NLN: variants seen among roughly 807,000 people sequenced by gnomAD.
NLN encodes the protein neurolysin, mitochondrial.
Under a neutral mutation model 79.9 loss-of-function variants are expected in NLN, and 64 were observed. The observed-to-expected ratio is 0.80, with a 90% CI of 0.65 to 0.99. The LOEUF is 0.99. Among genes scored for constraint, NLN ranks in the 50% least tolerant of loss-of-function variants. The pLI, the probability that NLN is intolerant of heterozygous loss-of-function variation, is 0.00. For missense variants in NLN, 835 were observed against 858.7 expected (o/e 0.97, Z 0.34); for synonymous variants, 267 against 296.6 (o/e 0.90, Z 1.02).
chr5:65,823,055 T>C lies in NLN; in HGVS notation c.*140T>C. On this transcript the variant is annotated 3_prime_UTR_variant, in exon 13 of 13. Transcript: ENST00000380985. ...TCCTTTTGTTTTCTAATTTTAAAAATTATAAAGATGTAAATGGAATTATAA... is the reference window on the plus strand; with the variant it reads ...TCCTTTTGTTTTCTAATTTTAAAAACTATAAAGATGTAAATGGAATTATAA... The C allele has an allele frequency of 1.6e-6, 1 of 623,730 alleles. No individual in the cohort carries two copies. Among genetic ancestry groups the C allele is most frequent in the Non-Finnish European group, 2.8e-6 (1 of 359,442 alleles). 38.6% of individuals were successfully genotyped at this position (623,730 alleles called of 1,614,324 possible). A position where few individuals can be genotyped will look rare whatever the true frequency, so the allele number is the denominator to read the frequency against.
intron 3 of NLN, among the ~76,000 whole-genome samples, chr5:65,777,129 GA>G (rs1271483372): frequency 6.6e-6 from 1 of 152,246 alleles, no homozygotes; most frequent in African/African-American, 2.4e-5. Flanking sequence ...AGAATGCTCA[GA>G]ATTAGATTAT....
chr5:65,747,993 G>A (rs1370811340), intron 1 of NLN, among the ~76,000 whole-genome samples: 2 of 152,042 alleles, frequency 1.3e-5, no homozygotes, highest in African/African-American at 4.8e-5. Flanking sequence ...CTGAGGTCAG[G>A]AGTTCAAGAC....
chr5:65,785,041 A>G (rs562762907), intron 6 of NLN, among the ~76,000 whole-genome samples: 49 of 152,328 alleles, frequency 3.2e-4, no homozygotes, highest in African/African-American at 1.1e-3. Context: ...TCCATTGTAT[A>G]TATATACCAC....
At chr5:65,731,742 CTTTTTTT>C (rs761722243) in intron 1 of NLN, among the ~76,000 whole-genome samples, 31 of 62,010 alleles carry the variant, frequency 5.0e-4, no homozygotes, top group Admixed American at 7.0e-4. Context: ...CCTACATTTT[CTTTTTTT>C]TTTTTTTTTT....
intron 2 of NLN, among the ~76,000 whole-genome samples, chr5:65,761,822 G>A (rs191330094): frequency 6.6e-6 from 1 of 152,246 alleles, no homozygotes; most frequent in Non-Finnish European, 1.5e-5. Context: ...TTGTAACAAT[G>A]TTTTAGGAGG....
chr5:65,786,209 T>C (rs1180582980), intron 7 of NLN: 4 of 240,808 alleles, frequency 1.7e-5, no homozygotes, highest in African/African-American at 8.9e-5. Flanking sequence ...CTTTATTCTC[T>C]TCACTAGGGA....
In NLN at chr5:65,824,668, T is replaced by C. The variant is rs1394615039; in HGVS notation, c.*1753T>C. ...GTGGAAAGGCTGCACACAATAAAGT[T>C]ATATTATTATCCATGAAAATGAACT... On this transcript the variant is annotated 3_prime_UTR_variant, in exon 13 of 13. Coordinates refer to ENST00000380985, the MANE Select transcript of NLN (RefSeq NM_020726.5). The C allele has an allele frequency of 6.6e-6, 1 of 152,218 alleles. No individual in the cohort carries two copies. 9.4% of individuals were successfully genotyped at this position (152,218 alleles called of 1,614,324 possible).
chr5:65,728,484 C>T (rs1442593472), intron 1 of NLN, among the ~76,000 whole-genome samples: 4 of 152,120 alleles, frequency 2.6e-5, no homozygotes, highest in Non-Finnish European at 5.9e-5. Context: ...GGAATTTGTA[C>T]ATCAAAGGGC....
intron 9 of NLN, among the ~76,000 whole-genome samples, chr5:65,799,151 G>A (rs916764795): frequency 6.6e-6 from 1 of 152,100 alleles, no homozygotes; most frequent in African/African-American, 2.4e-5. Flanking sequence ...CAAAATGCTG[G>A]GATTACAGGT....
chr5:65,803,181 C>G (rs1760327607), intron 9 of NLN, among the ~76,000 whole-genome samples: 2 of 152,224 alleles, frequency 1.3e-5, no homozygotes, highest in Admixed American at 1.3e-4. Context: ...AGCCTGGCCC[C>G]CAGGCTTCAG....
chr5:65,751,597 G>A (rs1442696367), intron 1 of NLN, among the ~76,000 whole-genome samples: 3 of 152,118 alleles, frequency 2.0e-5, no homozygotes, highest in African/African-American at 7.2e-5. Flanking sequence ...GATGAAAGGT[G>A]AACTGGAATG....
intron 9 of NLN, among the ~76,000 whole-genome samples, chr5:65,798,577 C>A (rs778372862): frequency 6.6e-6 from 1 of 152,190 alleles, no homozygotes; most frequent in Non-Finnish European, 1.5e-5. Context: ...AGCTTTGTGG[C>A]CTCTGCTGTC....
Position 65,809,590 on chromosome 5 carries a change from T to G in NLN, c.1603T>G (p.Trp535Gly), listed in dbSNP as rs958681665. 1.2e-6 allele frequency: 2 copies of G among 1,613,754 alleles called. No homozygotes were observed. The highest frequency in any genetic ancestry group is 2.7e-5 in the African/African-American group (2 of 74,900). ...GGTGCCATCGCAAATGCTTGAAAATTGGGTGTGGGACGTCGATTCCCTCCG... is the reference window on the plus strand; with the variant it reads ...GGTGCCATCGCAAATGCTTGAAAATGGGGTGTGGGACGTCGATTCCCTCCG... ...VEVPSQMLEN[W>G]VWDVDSLRRL... The change falls in exon 10 of 13, where the codon TGG becomes GGG. Residue 535 changes from tryptophan (W) to glycine (G), a missense_variant. Trp to Gly is a radical substitution (Grantham distance 184, BLOSUM62 -2). Coordinates refer to ENST00000380985, the MANE Select transcript of NLN (RefSeq NM_020726.5).
chr5:65,814,431 C>T (rs956597575), intron 12 of NLN, among the ~76,000 whole-genome samples: 14 of 152,120 alleles, frequency 9.2e-5, no homozygotes, highest in African/African-American at 3.4e-4. Context: ...ATTTCGTTCA[C>T]CTAAAATATA....
At position 65,823,604 on chromosome 5, in the gene NLN, G is replaced by A. The variant is rs1475341649; in HGVS notation, c.*689G>A. On this transcript the variant is annotated 3_prime_UTR_variant, in exon 13 of 13. Coordinates refer to ENST00000380985, the MANE Select transcript of NLN (RefSeq NM_020726.5). ...AGACTGGTGTAATGTATAAGTTTTT[G>A]TATCTTGTATTAGAGGATTTCGTAG... The A allele has an allele frequency of 2.6e-5, 4 of 152,086 alleles. No individual in the cohort carries two copies. Among genetic ancestry groups the A allele is most frequent in the Non-Finnish European group, 2.9e-5 (2 of 68,024 alleles). 9.4% of individuals were successfully genotyped at this position (152,086 alleles called of 1,614,324 possible).
rs1382089942 is a variant in NLN, at chr5:65,829,276, T to C, written c.*6361T>C. The C allele has an allele frequency of 6.6e-6, 1 of 152,174 alleles. No individual in the cohort carries two copies. The highest frequency in any genetic ancestry group is 6.5e-5 in the Admixed American group (1 of 15,278). 9.4% of individuals were successfully genotyped at this position (152,174 alleles called of 1,614,324 possible). A position where few individuals can be genotyped will look rare whatever the true frequency, so the allele number is the denominator to read the frequency against. ...GTTTGTTAAATAAATATACCTTCTT[T>C]AAAATTATCTTTTGTTATAAAGATG... On this transcript the variant is annotated 3_prime_UTR_variant, in exon 13 of 13. Transcript: ENST00000380985.
intron 1 of NLN, among the ~76,000 whole-genome samples, chr5:65,732,105 T>C (rs1758624020): frequency 6.6e-6 from 1 of 152,214 alleles, no homozygotes; most frequent in South Asian, 2.1e-4. Context: ...AAACCCTTTA[T>C]CTATCATGAG....
At chr5:65,762,022 G>A (rs1032122469) in intron 2 of NLN, among the ~76,000 whole-genome samples, 3 of 152,070 alleles carry the variant, frequency 2.0e-5, no homozygotes, top group African/African-American at 7.2e-5. Flanking sequence ...TTGTTCTATA[G>A]TATTGGTTAT....
At position 65,825,425 on chromosome 5, in the gene NLN, T is replaced by A. The variant is rs1433266700; in HGVS notation, c.*2510T>A. 1 of 152,156 alleles carries A rather than the reference T, an allele frequency of 6.6e-6. No individual in the cohort carries two copies. Among genetic ancestry groups the A allele is most frequent in the African/African-American group, 2.4e-5 (1 of 41,434 alleles). 9.4% of individuals were successfully genotyped at this position (152,156 alleles called of 1,614,324 possible). On this transcript the variant is annotated 3_prime_UTR_variant, in exon 13 of 13. Coordinates refer to ENST00000380985, the MANE Select transcript of NLN (RefSeq NM_020726.5). ...TGTTTTTTTTTTAGGCATTGTTATG[T>A]TGTGAAGGATAAAATCTTCAACATC... is the stretch of plus-strand genomic sequence containing the variant.
Sources: allele counts gnomAD v4.1 joint callset (sites outside exome capture counted in the v4.1 genomes callset), GRCh38; gene constraint gnomAD v4.1.1; transcripts MANE v1.5; gene names NCBI Gene and HGNC (gene_info 2026-07-23, HGNC 2026-07-21).